Variants in ATAD2 observed in about 807,000 individuals in gnomAD.
ATAD2 encodes the protein ATPase family AAA domain-containing protein 2.
ATAD2 carries 62 observed loss-of-function variants against 168.9 expected under a neutral mutation model. That is an observed-to-expected ratio of 0.37 (90% CI 0.30 to 0.45). The LOEUF is 0.45. Ranked by LOEUF, ATAD2 falls within the 20% of genes least tolerant of loss-of-function variation. The probability of loss-of-function intolerance (pLI) is 1.00; values close to 1 mark genes in which losing one functional copy is unlikely to be tolerated. For synonymous variants in ATAD2, 613 were observed against 571.6 expected (o/e 1.07, Z -1.03); for missense variants, 1,419 against 1,667.8 (o/e 0.85, Z 2.60).
chr8:123,409,049 C>T (rs1813112067), intron 1 of ATAD2, among the ~76,000 whole-genome samples: 1 of 152,160 alleles, frequency 6.6e-6, no homozygotes, highest in African/African-American at 2.4e-5. Flanking sequence ...ACTCATCTAA[C>T]TCCTGACCTC....
chr8:123,398,446 G>A (rs1002866026), upstream of ATAD2, among the ~76,000 whole-genome samples: 1 of 151,902 alleles, frequency 6.6e-6, no homozygotes, highest in Non-Finnish European at 1.5e-5. Flanking sequence ...GGCCAGGCTG[G>A]TCTCGAACTA....
chr8:123,387,129 T>C (rs1029365731), intron 1 of ATAD2, among the ~76,000 whole-genome samples: 1 of 152,146 alleles, frequency 6.6e-6, no homozygotes, highest in African/African-American at 2.4e-5. Context: ...TTTTTTCCTA[T>C]GCAAACATAT....
chr8:123,369,897 ATCT>A lies in ATAD2; in HGVS notation c.852_854del (p.Glu284del), dbSNP rs775121977. The A allele has an allele frequency of 9.0e-5, 144 of 1,606,572 alleles. No individual in the cohort carries two copies. The highest frequency in any genetic ancestry group is 1.2e-4 in the Admixed American group (7 of 59,832). On this transcript the variant is annotated inframe_deletion, in exon 7 of 28. Transcript: ENST00000287394. ...ATCGCTTCTGATTCTCTTCTTCTCC[ATCT>A]TCTTCATCTTCATCATCTTCATCAT...
At chr8:123,396,706 G>C (rs1373402816), upstream of ATAD2, among the ~76,000 whole-genome samples, 2 of 152,178 alleles carry the variant, frequency 1.3e-5, no homozygotes, top group Non-Finnish European at 2.9e-5. Flanking sequence ...GAGACGGTGG[G>C]AGCGGTGCGT....
chr8:123,320,609 C>T lies in ATAD2; in HGVS notation c.*525G>A, dbSNP rs2131264150. 1 of 153,214 alleles carries T rather than the reference C, an allele frequency of 6.5e-6. No homozygotes were observed. Among genetic ancestry groups the T allele is most frequent in the Middle Eastern group, 3.4e-3 (1 of 298 alleles). 9.5% of individuals were successfully genotyped at this position (153,214 alleles called of 1,614,324 possible). A position where few individuals can be genotyped will look rare whatever the true frequency, so the allele number is the denominator to read the frequency against. ...AATTGTGGTGCAGCCAGAAGTGGTT[C>T]AAGAGCCCTCCCGCAAATCATGACT... is the stretch of plus-strand genomic sequence containing the variant. On this transcript the variant is annotated 3_prime_UTR_variant, in exon 28 of 28. Transcript: ENST00000287394.
At chr8:123,329,746 CAAAAAAAAAAAAAAAA>C (rs68104102) in intron 24 of ATAD2, among the ~76,000 whole-genome samples, 17 of 84,386 alleles carry the variant, frequency 2.0e-4, no homozygotes, top group African/African-American at 5.0e-4. Context: ...AACTCCGTCT[CAAAAAAAAAAAAAAAA>C]AAAAAAAAAA....
Position 123,369,922 on chromosome 8 carries a change from T to C in ATAD2, c.830A>G (p.Asp277Gly), listed in dbSNP as rs947228241. 1.3e-5 allele frequency: 20 copies of C among 1,547,236 alleles called. No individual in the cohort carries two copies. Among genetic ancestry groups the C allele is most frequent in the Non-Finnish European group, 1.8e-5 (20 of 1,133,362 alleles). Residue 277 changes from aspartate (D) to glycine (G), a missense_variant, in exon 7 of 28, where the codon GAT becomes GGT. This residue lies in a region of ATAD2 where 419 missense variants were observed against 423.5 expected (regional missense o/e 0.99). Transcript: ENST00000287394. ...DDDDDDDDDD[D>G]EDDEDEEDGE... ...ATCTTCTTCATCTTCATCATCTTCA[T>C]CATCATCATCATCATCATCATCGTC...
chr8:123,367,083 T>C (rs1451078684), intron 8 of ATAD2, among the ~76,000 whole-genome samples: 1 of 152,168 alleles, frequency 6.6e-6, no homozygotes, highest in African/African-American at 2.4e-5. Context: ...CAATTAAAAA[T>C]CTGACACCCA....
rs149163125 is a variant in ATAD2, at chr8:123,348,630, T to C, written c.1807-357A>G. Reference sequence around the variant, plus strand: ...GGACGGAAGTTGCAGTGAGCTGAGATTGTGCCACTGCACCCCAGCCTGGGT... The same window carrying C: ...GGACGGAAGTTGCAGTGAGCTGAGACTGTGCCACTGCACCCCAGCCTGGGT... On this transcript the variant is annotated intron_variant, in intron 14 of 27. Transcript: ENST00000287394. Among the ~76,000 whole-genome samples the C allele has an allele frequency of 1.5e-3, 236 of 152,260 alleles. 5 individuals are homozygous for C. In the East Asian group the frequency reaches 0.035, roughly 23 times the overall value.
chr8:123,371,653 A>G lies in ATAD2; in HGVS notation c.536+17T>C, dbSNP rs1290435947. ...TCTGACAGATAAATCATCTTGATCTAAGGAATTTTTACTTACTTAGTTATA... is the reference window on the plus strand; with the variant it reads ...TCTGACAGATAAATCATCTTGATCTGAGGAATTTTTACTTACTTAGTTATA... On this transcript the variant is annotated intron_variant, in intron 4 of 27. Coordinates refer to ENST00000287394, the MANE Select transcript of ATAD2 (RefSeq NM_014109.4). 1 of 1,585,586 alleles carries G rather than the reference A, an allele frequency of 6.3e-7. No homozygotes were observed. The highest frequency in any genetic ancestry group is 1.9e-5 in the Admixed American group (1 of 52,610).
chr8:123,377,048 G>A (rs976644312), intron 2 of ATAD2, among the ~76,000 whole-genome samples: 16 of 126,930 alleles, frequency 1.3e-4, no homozygotes, highest in African/African-American at 4.4e-4. Flanking sequence ...CCACGATTGC[G>A]CCACTGCACT....
In ATAD2 at chr8:123,367,835, A is replaced by AT. The variant is rs1269756244; in HGVS notation, c.1049+1222dup. Among the ~76,000 whole-genome samples, 6 of 152,294 alleles carry AT rather than the reference A, an allele frequency of 3.9e-5. No individual in the cohort carries two copies. The East Asian group carries it at 1.2e-3, about 29-fold the overall frequency. On this transcript the variant is annotated intron_variant, in intron 8 of 27. Transcript: ENST00000287394. The stretch of plus-strand genomic sequence containing the variant: ...GAAAAGACCTAGGGACACAAATAGT[A>AT]TTTTTTATTTTTCCTGAAAGAAATT...
intron 1 of ATAD2, among the ~76,000 whole-genome samples, chr8:123,406,447 T>C (rs1813069364): frequency 6.6e-6 from 1 of 150,700 alleles, no homozygotes; most frequent in African/African-American, 2.4e-5. Flanking sequence ...AAATCAAAAT[T>C]CCAGAACACT....
intron 19 of ATAD2, among the ~76,000 whole-genome samples, chr8:123,339,759 C>T (rs1828014856): frequency 6.6e-6 from 1 of 152,048 alleles, no homozygotes; most frequent in African/African-American, 2.4e-5. Flanking sequence ...ATTTTTTAAA[C>T]AAGTCTTTAA....
chr8:123,348,308 T>A, intron 14 of ATAD2, 35 bp from the exon 15 acceptor site: 10 of 1,328,788 alleles, frequency 7.5e-6, no homozygotes, highest in Non-Finnish European at 1.0e-5. Context: ...TTTACAACTA[T>A]AATAATAAAT....
At chr8:123,367,676 T>G (rs1829023721) in intron 8 of ATAD2, among the ~76,000 whole-genome samples, 1 of 152,146 alleles carries the variant, frequency 6.6e-6, no homozygotes, top group Non-Finnish European at 1.5e-5. Flanking sequence ...TCCTTTCAAG[T>G]GCAATTAATC....
At chr8:123,400,968 G>A (rs890429476), upstream of ATAD2, 6 of 1,425,932 alleles carry the variant, frequency 4.2e-6, no homozygotes, top group African/African-American at 1.4e-5. The surrounding 1 kb of genome is among the most constrained non-coding windows in gnomAD (Gnocchi z 4.5). Context: ...GTGATGTGCT[G>A]GAGGCCACGA....
intron 19 of ATAD2, 33 bp from the exon 20 acceptor site, chr8:123,339,479 T>C (rs1828007920): frequency 3.3e-6 from 5 of 1,510,512 alleles, no homozygotes; most frequent in Non-Finnish European, 4.5e-6. Context: ...ATATATATCA[T>C]ATATACAGAT....
At chr8:123,373,397 A>AT (rs1340665529) in intron 2 of ATAD2, among the ~76,000 whole-genome samples, 2 of 152,170 alleles carry the variant, frequency 1.3e-5, no homozygotes, top group Non-Finnish European at 2.9e-5. Flanking sequence ...CAAACAAGAC[A>AT]TAACTGTATT....
Sources: allele counts gnomAD v4.1 joint callset (sites outside exome capture counted in the v4.1 genomes callset), GRCh38; gene constraint gnomAD v4.1.1; regional missense constraint gnomAD v4.1.1; non-coding constraint Gnocchi (gnomAD v3.1); transcripts MANE v1.5; gene names NCBI Gene and HGNC (gene_info 2026-07-23, HGNC 2026-07-21).